The following UNC79 variants were observed in gnomAD, a reference collection of about 807,000 sequenced individuals.
UNC79 encodes unc-79 subunit of NALCN channel complex.
A neutral mutation model predicts 283.1 loss-of-function variants in UNC79; 37 were observed. That is an observed-to-expected ratio of 0.13 (90% confidence interval 0.10 to 0.17). The LOEUF (loss-of-function observed/expected upper bound fraction) is 0.17, where lower values mean the gene tolerates loss of function less well. Ranked by LOEUF, UNC79 falls within the 10% of genes least tolerant of loss-of-function variation. The pLI, the probability that UNC79 is intolerant of heterozygous loss-of-function variation, is 1.00. For missense variants in UNC79, 2,272 were observed against 3,211.1 expected (o/e 0.71, Z 7.07); for synonymous variants, 1,107 against 1,200.2 (o/e 0.92, Z 1.61).
chr14:93,443,340 C>T (rs2056366749), intron 1 of UNC79, among the ~76,000 whole-genome samples: 1 of 151,812 alleles, frequency 6.6e-6, no homozygotes, highest in East Asian at 1.9e-4. Flanking sequence ...GAAGACATTG[C>T]TTTTCTTTTT....
chr14:93,632,366 A>G (rs941066242), intron 31 of UNC79, among the ~76,000 whole-genome samples: 2 of 152,242 alleles, frequency 1.3e-5, no homozygotes, highest in Admixed American at 6.5e-5. Context: ...CTAAAATCAT[A>G]AAAGTGTATC....
chr14:93,374,823 G>T (rs2054522776), intron 1 of UNC79, among the ~76,000 whole-genome samples: 1 of 152,132 alleles, frequency 6.6e-6, no homozygotes, highest in Non-Finnish European at 1.5e-5. Flanking sequence ...ATGGGATTAC[G>T]GGTGTGAGCC....
chr14:93,572,860 G>T, intron 16 of UNC79, 44 bp downstream of exon 16: 1 of 1,600,876 alleles, frequency 6.2e-7, no homozygotes, highest in Admixed American at 1.7e-5. Flanking sequence ...ATAGTTCTTA[G>T]CTTATAAGCT....
chr14:93,561,553 G>A (rs1476631587), intron 14 of UNC79, among the ~76,000 whole-genome samples: 1 of 152,144 alleles, frequency 6.6e-6, no homozygotes, highest in Non-Finnish European at 1.5e-5. Flanking sequence ...GCAAGCAATT[G>A]CTCGCTAAGG....
chr14:93,371,119 AC>A (rs753628006), intron 1 of UNC79, among the ~76,000 whole-genome samples: 52 of 152,184 alleles, frequency 3.4e-4, no homozygotes, highest in Non-Finnish European at 6.2e-4. Context: ...GGGGTGGCTC[AC>A]CCCTGTACCC....
At chr14:93,487,617 T>G in intron 4 of UNC79, 46 bp from the exon 5 acceptor site, 1 of 1,501,988 alleles carries the variant, frequency 6.7e-7, no homozygotes, top group Non-Finnish European at 9.3e-7. Context: ...GTAACAGGTA[T>G]ATGTAGAGAT....
At chr14:93,647,366 T>C (rs1274488251) in intron 35 of UNC79, among the ~76,000 whole-genome samples, 2 of 152,062 alleles carry the variant, frequency 1.3e-5, no homozygotes, top group Non-Finnish European at 2.9e-5. Context: ...TGCAAGAAAA[T>C]GAATCTAGCA....
At chr14:93,368,509 G>T (rs566823067) in intron 1 of UNC79, among the ~76,000 whole-genome samples, 1 of 152,096 alleles carries the variant, frequency 6.6e-6, no homozygotes, top group East Asian at 1.9e-4. Flanking sequence ...GTCTTGTTCT[G>T]TCGTCCAGGC....
At chr14:93,527,107 T>TAA (rs1009362896) in intron 8 of UNC79, among the ~76,000 whole-genome samples, 2 of 152,232 alleles carry the variant, frequency 1.3e-5, no homozygotes, top group African/African-American at 4.8e-5. Context: ...TGTTGGAACT[T>TAA]AAAGTTTACG....
intron 10 of UNC79, among the ~76,000 whole-genome samples, chr14:93,532,292 C>A (rs2060857396): frequency 8.0e-6 from 1 of 125,044 alleles, no homozygotes; most frequent in Non-Finnish European, 1.7e-5. Flanking sequence ...CATAGTAAGA[C>A]CCCATGTCTA....
intron 1 of UNC79, among the ~76,000 whole-genome samples, chr14:93,421,521 G>C (rs554648026): frequency 6.6e-6 from 1 of 151,700 alleles, no homozygotes; most frequent in African/African-American, 2.4e-5. Flanking sequence ...AATTCTGCCA[G>C]ACATTTAAAG....
chr14:93,702,721 A>G (rs2075620880), intron 47 of UNC79, among the ~76,000 whole-genome samples: 1 of 152,220 alleles, frequency 6.6e-6, no homozygotes. Flanking sequence ...CAGTTTGCCC[A>G]GGTTAGAAAC....
chr14:93,673,521 G>A, intron 41 of UNC79, 66 bp downstream of exon 44: 2 of 1,348,910 alleles, frequency 1.5e-6, no homozygotes, highest in Non-Finnish European at 2.1e-6. Flanking sequence ...AATTAAGGGA[G>A]GTGTAGAGTG....
chr14:93,676,628 ATCT>A (rs1445361673), intron 41 of UNC79, among the ~76,000 whole-genome samples: 2 of 152,110 alleles, frequency 1.3e-5, no homozygotes. Context: ...TGTGTGGCTG[ATCT>A]TCTTGGGGTC....
At chr14:93,569,474 C>T (rs1225971366) in intron 14 of UNC79, among the ~76,000 whole-genome samples, 3 of 152,110 alleles carry the variant, frequency 2.0e-5, no homozygotes, top group Non-Finnish European at 1.5e-5. Flanking sequence ...AGATTGCTGT[C>T]AGGTTCTTGA....
intron 5 of UNC79, among the ~76,000 whole-genome samples, chr14:93,488,108 G>A (rs2058537676): frequency 6.6e-6 from 1 of 152,294 alleles, no homozygotes; most frequent in African/African-American, 2.4e-5. Context: ...ATACACCCAA[G>A]TATCCTTAAA....
chr14:93,347,289 C>G, intron 1 of UNC79: 2 of 1,605,290 alleles, frequency 1.2e-6, no homozygotes, highest in Non-Finnish European at 1.7e-6. Context: ...TGCGTGGGCG[C>G]TGTCCTGCCC....
intron 27 of UNC79, 45 bp downstream of exon 28, chr14:93,613,128 A>G: frequency 6.2e-7 from 1 of 1,603,700 alleles, no homozygotes; most frequent in South Asian, 1.1e-5. Flanking sequence ...TTATACTTTT[A>G]GTAGAAGCAA....
At chr14:93,467,609 CTCTT>C (rs2057257052) in intron 1 of UNC79, 58 bp from the exon 2 acceptor site, 4 of 1,059,694 alleles carry the variant, frequency 3.8e-6, no homozygotes, top group African/African-American at 6.3e-5. Context: ...GATGATTCTT[CTCTT>C]TCTTTTTCTT....
Sources: allele counts gnomAD v4.1 joint callset (sites outside exome capture counted in the v4.1 genomes callset), GRCh38; gene constraint gnomAD v4.1.1; transcripts MANE v1.5; gene names NCBI Gene and HGNC (gene_info 2026-07-23, HGNC 2026-07-21).